Variants in EPHX1 observed in about 807,000 individuals in gnomAD.
EPHX1 encodes epoxide hydrolase 1, also known as epoxide hydratase.
EPHX1 carries 40 observed loss-of-function variants against 43.2 expected under a neutral mutation model. That is an observed-to-expected ratio of 0.93 (90% CI 0.72 to 1.21). EPHX1 has a LOEUF of 1.21. Ranked by LOEUF, EPHX1 falls within the 50% of genes most tolerant of loss-of-function variation. The pLI is 0.00. For synonymous variants in EPHX1, 221 were observed against 226.7 expected, an observed-to-expected ratio of 0.98 and a Z score of 0.22; for missense variants, 550 against 570.4, an observed-to-expected ratio of 0.96 and a Z score of 0.36.
Position 225,839,265 on chromosome 1 carries a change from G to A in EPHX1, c.641G>A (p.Arg214Gln), listed in dbSNP as rs752393079. The A allele has an allele frequency of 8.7e-6, 14 of 1,614,126 alleles. No individual in the cohort carries two copies. Among genetic ancestry groups the A allele is most frequent in the South Asian group, 2.2e-5 (2 of 91,080 alleles). Residue 214 changes from arginine (R) to glutamine (Q), a missense_variant, in exon 5 of 9, where the codon CGG becomes CAG. Arg to Gln is a conservative substitution (Grantham distance 43). Coordinates refer to ENST00000272167, the MANE Select transcript of EPHX1 (RefSeq NM_001136018.4). ...TARIFYKLMLRLGFQEFYIQG... is the reference protein window; with the variant it reads ...TARIFYKLMLQLGFQEFYIQG... ...AGGATCTTTTACAAGCTGATGCTGCGGCTGGGCTTCCAGGAATTCTACATT... is the reference window on the plus strand; with the variant it reads ...AGGATCTTTTACAAGCTGATGCTGCAGCTGGGCTTCCAGGAATTCTACATT...
intron 6 of EPHX1, 119 bp from the exon 7 acceptor site, chr1:225,842,247 G>C (rs1328439380): frequency 2.0e-5 from 16 of 782,096 alleles, no homozygotes; most frequent in Non-Finnish European, 3.4e-5. Context: ...GCCTGTGCTC[G>C]AACGTGGCTT....
At chr1:225,828,578 A>G (rs1031577751) in intron 1 of EPHX1, 147 bp from the exon 2 acceptor site, 1 of 470,964 alleles carries the variant, frequency 2.1e-6, no homozygotes, top group South Asian at 2.5e-5. Context: ...ATATATATAT[A>G]ATATGTATAT....
chr1:225,842,293 C>A, intron 6 of EPHX1, 73 bp from the exon 7 acceptor site: 1 of 1,153,826 alleles, frequency 8.7e-7, no homozygotes, highest in Non-Finnish European at 1.3e-6. Flanking sequence ...GCCAGTGCCA[C>A]ACATCACACC....
At chr1:225,820,046 T>G (rs1025912499) in intron 1 of EPHX1, among the ~76,000 whole-genome samples, 1 of 152,204 alleles carries the variant, frequency 6.6e-6, no homozygotes, top group Non-Finnish European at 1.5e-5. Context: ...CTGGGCCACC[T>G]TTCTTCACTC....
intron 1 of EPHX1, among the ~76,000 whole-genome samples, chr1:225,811,893 G>A (rs1666501187): frequency 6.6e-6 from 1 of 152,216 alleles, no homozygotes; most frequent in African/African-American, 2.4e-5. Context: ...AGTTCTAGGG[G>A]CAGAGGGATA....
At chr1:225,818,596 G>C (rs932437596) in intron 1 of EPHX1, among the ~76,000 whole-genome samples, 1 of 152,058 alleles carries the variant, frequency 6.6e-6, no homozygotes, top group Non-Finnish European at 1.5e-5. Context: ...GAAAGATCGG[G>C]GGGCAGCGTG....
intron 1 of EPHX1, among the ~76,000 whole-genome samples, chr1:225,828,517 C>T (rs1330523675): frequency 4.0e-5 from 6 of 148,296 alleles, no homozygotes; most frequent in Non-Finnish European, 7.4e-5. Context: ...TTTTCTAGAT[C>T]ATATATATAT....
At chr1:225,832,919 C>T (rs1667695567) in intron 3 of EPHX1, among the ~76,000 whole-genome samples, 1 of 152,178 alleles carries the variant, frequency 6.6e-6, no homozygotes, top group African/African-American at 2.4e-5. Context: ...TAGGAGTTCT[C>T]TATATATTCT....
At chr1:225,837,919 A>G (rs561693026) in intron 3 of EPHX1, among the ~76,000 whole-genome samples, 1 of 152,384 alleles carries the variant, frequency 6.6e-6, no homozygotes, top group East Asian at 1.9e-4. Flanking sequence ...ATACCTGTTC[A>G]TTGTAGAAAA....
At chr1:225,826,706 A>T (rs1486167380) in intron 1 of EPHX1, among the ~76,000 whole-genome samples, 1 of 152,152 alleles carries the variant, frequency 6.6e-6, no homozygotes, top group African/African-American at 2.4e-5. Flanking sequence ...GGTTCTAAGA[A>T]GTATGCTGGT....
At chr1:225,844,948 T>C (rs949876502) in intron 8 of EPHX1, among the ~76,000 whole-genome samples, 198 bp from the exon 9 acceptor site, 1 of 152,108 alleles carries the variant, frequency 6.6e-6, no homozygotes, top group African/African-American at 2.4e-5. Flanking sequence ...CCCATGCCCC[T>C]GCCTGGGTGG....
intron 7 of EPHX1, among the ~76,000 whole-genome samples, chr1:225,843,213 T>TCA (rs67980932): frequency 2.4e-5 from 1 of 41,506 alleles, no homozygotes; most frequent in East Asian, 9.5e-4. Flanking sequence ...GAAGGAGGAT[T>TCA]CTTTGTCTAA....
chr1:225,843,492 A>G lies in EPHX1; in HGVS notation c.1041-1006A>G, dbSNP rs193256212. ...GTCTGGGATCTGTTTCCCCTGCCCTACATTCAGCAGGACACAGGGGTTGAT... is the reference window on the plus strand; with the variant it reads ...GTCTGGGATCTGTTTCCCCTGCCCTGCATTCAGCAGGACACAGGGGTTGAT... On this transcript the variant is annotated intron_variant, in intron 7 of 8. Coordinates refer to ENST00000272167, the MANE Select transcript of EPHX1 (RefSeq NM_001136018.4). Among the ~76,000 whole-genome samples, 28 of 152,294 alleles carry G rather than the reference A, an allele frequency of 1.8e-4. 2 individuals carry two copies. The highest frequency in any genetic ancestry group is 1.2e-3 in the Admixed American group (18 of 15,296).
chr1:225,833,904 TG>T (rs1474060177), intron 3 of EPHX1, among the ~76,000 whole-genome samples: 2 of 149,450 alleles, frequency 1.3e-5, no homozygotes, highest in East Asian at 2.0e-4. Context: ...GAGACCATCC[TG>T]GTCTAACTTG....
At chr1:225,830,568 G>A (rs746887169) in intron 2 of EPHX1, among the ~76,000 whole-genome samples, 70 of 152,244 alleles carry the variant, frequency 4.6e-4, no homozygotes, top group Non-Finnish European at 5.1e-4. Context: ...GGGTTCAAGC[G>A]ATTCTCCTGC....
chr1:225,823,931 C>T (rs1366428850), intron 1 of EPHX1, among the ~76,000 whole-genome samples: 2 of 152,206 alleles, frequency 1.3e-5, no homozygotes, highest in Non-Finnish European at 2.9e-5. Context: ...CCTTTGCTTT[C>T]CCCTTACTCC....
In EPHX1 at chr1:225,831,934, C is replaced by T; in HGVS notation, c.339C>T (p.Tyr113=). The change falls in exon 3 of 9, where the codon TAC becomes TAT. Residue 113 remains tyrosine, a synonymous_variant. Coordinates refer to ENST00000272167, the MANE Select transcript of EPHX1 (RefSeq NM_001136018.4). ...WKKQVEILNR[Y]PHFKTKIEGL... ...AGCAGGTGGAGATTCTCAACAGATA[C>T]CCTCACTTCAAGACTAAGATTGAAG... 1.2e-6 allele frequency: 2 copies of T among 1,614,124 alleles called. No homozygotes were observed. The highest frequency in any genetic ancestry group is 1.3e-5 in the African/African-American group (1 of 75,028).
intron 1 of EPHX1, among the ~76,000 whole-genome samples, chr1:225,821,471 CCTGACCTAAAGTGATCTG>C (rs1666975263): frequency 6.6e-6 from 1 of 151,832 alleles, no homozygotes; most frequent in South Asian, 2.1e-4. Context: ...GTCACGAACT[CCTGACCTAAAGTGATCTG>C]CTCGCCTTGG....
chr1:225,819,465 T>C (rs1215931737), intron 1 of EPHX1, among the ~76,000 whole-genome samples: 3 of 150,162 alleles, frequency 2.0e-5, no homozygotes, highest in Admixed American at 2.0e-4. Flanking sequence ...TTGGAAGGGG[T>C]AGAGCAGATG....
Sources: gnomAD v4.1 joint callset for allele counts (sites outside exome capture counted in the v4.1 genomes callset) on GRCh38, gnomAD v4.1.1 for gene constraint, MANE v1.5 for transcripts, NCBI Gene and HGNC (gene_info 2026-07-23, HGNC 2026-07-21) for gene names.